PLSCR4: variants seen among roughly 807,000 people sequenced by gnomAD.
PLSCR4 encodes the protein phospholipid scramblase 4.
PLSCR4 carries 25 observed loss-of-function variants against 36.3 expected under a neutral mutation model. That is an observed-to-expected ratio of 0.69 (90% confidence interval 0.50 to 0.96). The LOEUF is 0.96. Among genes scored for constraint, PLSCR4 ranks in the 40% least tolerant of loss-of-function variants. The pLI, the probability that PLSCR4 is intolerant of heterozygous loss-of-function variation, is 0.00. For missense variants in PLSCR4, 408 were observed against 414.7 expected (o/e 0.98, Z 0.14); for synonymous variants, 122 against 132.9 (o/e 0.92, Z 0.56).
At position 146,206,628 on chromosome 3, in the gene PLSCR4, C is replaced by A; in HGVS notation, c.252G>T (p.Gln84His). 1 of 1,613,518 alleles carries A rather than the reference C, an allele frequency of 6.2e-7. No homozygotes were observed. ...PVGGIHPVRY[Q>H]PGKYPMPNQS... ...GATTTGGCATAGGATATTTGCCAGG[C>A]TGATACCGGACAGGATGGATACCAC... The change falls in exon 4 of 9, where the codon CAG (glutamine) becomes CAT (histidine). Residue 84 changes from glutamine (Q) to histidine (H), a missense_variant. Physicochemically the swap from Gln to His is conservative, Grantham distance 24. Coordinates refer to ENST00000354952, the MANE Select transcript of PLSCR4 (RefSeq NM_020353.3).
chr3:146,222,264 A>C (rs9821768), intron 1 of PLSCR4, 172 bp from the exon 2 acceptor site: 100,399 of 342,010 alleles, frequency 0.29, 16,733 homozygotes, highest in Admixed American at 0.35. Flanking sequence ...ACGAGGCACT[A>C]ATACAGATGT....
At chr3:146,230,207 T>A (rs2035652341) in intron 1 of PLSCR4, among the ~76,000 whole-genome samples, 1 of 152,116 alleles carries the variant, frequency 6.6e-6, no homozygotes, top group Non-Finnish European at 1.5e-5. Flanking sequence ...ATAATAATAA[T>A]AGTAATTGTG....
chr3:146,201,188 T>A (rs191128116), intron 4 of PLSCR4, 111 bp from the exon 5 acceptor site: 4 of 661,284 alleles, frequency 6.0e-6, no homozygotes, highest in Non-Finnish European at 9.7e-6. Flanking sequence ...TACCAAAATA[T>A]ATTTTTGAAA....
chr3:146,212,139 A>C (rs958219149), intron 3 of PLSCR4, among the ~76,000 whole-genome samples: 9 of 152,236 alleles, frequency 5.9e-5, no homozygotes, highest in Non-Finnish European at 1.3e-4. Flanking sequence ...TCCATTTAAC[A>C]ATATTTACTT....
intron 2 of PLSCR4, among the ~76,000 whole-genome samples, chr3:146,221,779 T>C (rs2035153951): frequency 6.6e-6 from 1 of 151,634 alleles, no homozygotes; most frequent in Non-Finnish European, 1.5e-5. Context: ...TTTGCAAATC[T>C]TGCTTTTTTT....
intron 3 of PLSCR4, among the ~76,000 whole-genome samples, chr3:146,219,599 G>C (rs557881674): frequency 6.6e-6 from 1 of 152,146 alleles, no homozygotes; most frequent in East Asian, 1.9e-4. Flanking sequence ...CACCTGAGCT[G>C]TATGGATCAT....
intron 3 of PLSCR4, among the ~76,000 whole-genome samples, chr3:146,211,239 G>T (rs2034605426): frequency 6.6e-6 from 1 of 152,028 alleles, no homozygotes; most frequent in East Asian, 1.9e-4. Context: ...TTTTATTTTA[G>T]TCATCTTAGT....
chr3:146,240,469 G>A (rs1318359208), intron 1 of PLSCR4, among the ~76,000 whole-genome samples: 1 of 151,118 alleles, frequency 6.6e-6, no homozygotes, highest in Non-Finnish European at 1.5e-5. Context: ...GCTGAGCAAG[G>A]TGGCATGTAC....
At chr3:146,224,574 G>T (rs977405390) in intron 1 of PLSCR4, among the ~76,000 whole-genome samples, 1 of 151,958 alleles carries the variant, frequency 6.6e-6, no homozygotes, top group Non-Finnish European at 1.5e-5. Flanking sequence ...AGACCTTCGC[G>T]GTGAGTGTTA....
chr3:146,218,765 C>T (rs368583548), intron 3 of PLSCR4, among the ~76,000 whole-genome samples: 3 of 152,092 alleles, frequency 2.0e-5, no homozygotes, highest in African/African-American at 4.8e-5. Flanking sequence ...TGTTACGGAG[C>T]GTTGTCCTAC....
intron 3 of PLSCR4, among the ~76,000 whole-genome samples, chr3:146,213,994 G>C (rs2034765167): frequency 6.6e-6 from 1 of 151,074 alleles, no homozygotes; most frequent in South Asian, 2.1e-4. Flanking sequence ...TTTTGGTTTT[G>C]TTGATTTTGT....
At chr3:146,196,604 C>G (rs374539494) in intron 7 of PLSCR4, 28 bp downstream of exon 7, 9 of 1,608,104 alleles carry the variant, frequency 5.6e-6, no homozygotes, top group Non-Finnish European at 7.7e-6. Flanking sequence ...GGAAAAATAT[C>G]AGAAACACTA....
At chr3:146,225,850 T>G (rs1442492026) in intron 1 of PLSCR4, among the ~76,000 whole-genome samples, 2 of 152,176 alleles carry the variant, frequency 1.3e-5, no homozygotes, top group African/African-American at 4.8e-5. Flanking sequence ...GCTCCAGCCT[T>G]GGCCAGCCCA....
chr3:146,233,200 T>C (rs1444276145), intron 1 of PLSCR4, among the ~76,000 whole-genome samples: 1 of 152,112 alleles, frequency 6.6e-6, no homozygotes, highest in Non-Finnish European at 1.5e-5. Context: ...ATAATATAGA[T>C]TACAAAATAT....
intron 1 of PLSCR4, among the ~76,000 whole-genome samples, chr3:146,225,547 T>G (rs1365711802): frequency 6.6e-6 from 1 of 152,134 alleles, no homozygotes; most frequent in Non-Finnish European, 1.5e-5. Flanking sequence ...GGCTCAGGCA[T>G]GGCAGGCAGC....
Position 146,224,430 on chromosome 3 carries a change from C to T in PLSCR4, c.-21-2338G>A, listed in dbSNP as rs868070303. Among the ~76,000 whole-genome samples the T allele has an allele frequency of 3.3e-4, 50 of 152,202 alleles. No homozygotes were observed. In the Middle Eastern group the frequency reaches 0.01, roughly 31 times the overall value. On this transcript the variant is annotated intron_variant, in intron 1 of 8. Transcript: ENST00000354952. ...GTCTCACTGACTTCAAGAACGAAGC[C>T]GCGGACCCTCGCGGTGAGTGTTACA...
intron 1 of PLSCR4, among the ~76,000 whole-genome samples, chr3:146,224,495 G>A (rs2035345999): frequency 6.7e-6 from 1 of 149,276 alleles, no homozygotes; most frequent in African/African-American, 2.6e-5. Flanking sequence ...TCCTTCTTAT[G>A]TTCCGATGTA....
At chr3:146,229,205 G>A (rs549833620) in intron 1 of PLSCR4, among the ~76,000 whole-genome samples, 1 of 152,038 alleles carries the variant, frequency 6.6e-6, no homozygotes, top group Non-Finnish European at 1.5e-5. Flanking sequence ...GTTTTCCTTG[G>A]TGGGCCCTTG....
chr3:146,225,622 G>A (rs914401278), intron 1 of PLSCR4, among the ~76,000 whole-genome samples: 16 of 152,218 alleles, frequency 1.1e-4, no homozygotes, highest in Admixed American at 7.2e-4. Context: ...CACAGCACCG[G>A]TGGGCTGGCA....
Sources: gnomAD v4.1 joint callset for allele counts (sites outside exome capture counted in the v4.1 genomes callset) on GRCh38, gnomAD v4.1.1 for gene constraint, MANE v1.5 for transcripts, NCBI Gene and HGNC (gene_info 2026-07-23, HGNC 2026-07-21) for gene names.